Variants in FMN2 observed in about 807,000 individuals in gnomAD.
FMN2 encodes formin-2.
In FMN2, 51 loss-of-function variants were observed where a neutral mutation model predicts 142.3. The observed-to-expected ratio is 0.36, with a 90% CI of 0.29 to 0.45. The LOEUF (loss-of-function observed/expected upper bound fraction) is 0.45, where lower values mean the gene tolerates loss of function less well. Ranked by LOEUF, FMN2 falls within the 20% of genes least tolerant of loss-of-function variation. The pLI is 1.00. For synonymous variants in FMN2, 882 were observed against 869.8 expected, an observed-to-expected ratio of 1.01 and a Z score of -0.25; for missense variants, 1,936 against 2,122.8, an observed-to-expected ratio of 0.91 and a Z score of 1.73.
At chr1:240,294,553 T>A (rs139922774) in intron 7 of FMN2, among the ~76,000 whole-genome samples, 13 of 152,364 alleles carry the variant, frequency 8.5e-5, no homozygotes, top group Non-Finnish European at 1.3e-4. Flanking sequence ...AGTTCGGCTG[T>A]GAAAAACAGA....
At chr1:240,354,797 G>A (rs12740401) in intron 13 of FMN2, among the ~76,000 whole-genome samples, 1 of 152,140 alleles carries the variant, frequency 6.6e-6, no homozygotes, top group African/African-American at 2.4e-5. Context: ...TCTCCTGGGA[G>A]AAATGGCAAC....
At position 240,128,655 on chromosome 1, in the gene FMN2, T is replaced by G. The variant is rs556764542; in HGVS notation, c.1782+5310T>G. On this transcript the variant is annotated intron_variant, in intron 2 of 17. Coordinates refer to ENST00000319653, the MANE Select transcript of FMN2 (RefSeq NM_020066.5). ...AAATGGACATCGGTTTGGATGAATATGTGAGCGAAGCTAAAATTAAAGACA... is the reference window on the plus strand; with the variant it reads ...AAATGGACATCGGTTTGGATGAATAGGTGAGCGAAGCTAAAATTAAAGACA... Among the ~76,000 whole-genome samples, 4 of 152,258 alleles carry G rather than the reference T, an allele frequency of 2.6e-5. No homozygotes were observed. In the South Asian group the frequency reaches 8.3e-4, roughly 32 times the overall value.
At chr1:240,149,941 T>C (rs1353360069) in intron 2 of FMN2, among the ~76,000 whole-genome samples, 1 of 152,200 alleles carries the variant, frequency 6.6e-6, no homozygotes, top group African/African-American at 2.4e-5. Context: ...AAAACAAATA[T>C]GGTTATAGTT....
chr1:240,469,906 A>G (rs1327029671), intron 16 of FMN2, among the ~76,000 whole-genome samples: 2 of 152,192 alleles, frequency 1.3e-5, no homozygotes, highest in African/African-American at 2.4e-5. Context: ...TGAAAAATGA[A>G]TGGATGAGCT....
chr1:240,108,902 G>A lies in FMN2; in HGVS notation c.1616-14277G>A, dbSNP rs150047032. ...AATACAAAAATTAGCCTGGCGTGGT[G>A]GCGAGAGCCTGTAATCCCAGCTACT... On this transcript the variant is annotated intron_variant, in intron 1 of 17. Transcript: ENST00000319653. Among the ~76,000 whole-genome samples the A allele has an allele frequency of 9.2e-3, 1,394 of 152,240 alleles. 19 individuals are homozygous for A. The highest frequency in any genetic ancestry group is 0.03 in the African/African-American group (1,261 of 41,544).
At chr1:240,252,747 C>A (rs569591883) in intron 6 of FMN2, among the ~76,000 whole-genome samples, 17 of 151,754 alleles carry the variant, frequency 1.1e-4, no homozygotes, top group African/African-American at 4.1e-4. Context: ...GCAGAGAAAA[C>A]CTTTTTGAAT....
chr1:240,359,462 A>G (rs778920220), intron 14 of FMN2, among the ~76,000 whole-genome samples: 15 of 152,210 alleles, frequency 9.9e-5, no homozygotes, highest in Non-Finnish European at 1.8e-4. Context: ...TCTTTATTGC[A>G]TTAGCTCCCT....
chr1:240,391,719 A>T (rs1207016213), intron 14 of FMN2, among the ~76,000 whole-genome samples: 1 of 152,186 alleles, frequency 6.6e-6, no homozygotes, highest in African/African-American at 2.4e-5. Context: ...TGCATGAAAT[A>T]AGAGTATCTT....
chr1:240,372,284 G>C (rs1285012224), intron 14 of FMN2, among the ~76,000 whole-genome samples: 3 of 152,094 alleles, frequency 2.0e-5, no homozygotes, highest in Non-Finnish European at 4.4e-5. Flanking sequence ...ATGGCAAATG[G>C]TCTCATATCA....
chr1:240,433,798 C>T (rs1675261106), intron 15 of FMN2, among the ~76,000 whole-genome samples: 1 of 152,126 alleles, frequency 6.6e-6, no homozygotes, highest in Admixed American at 6.5e-5. Flanking sequence ...GATGATGTTA[C>T]CAGGTGGGTT....
chr1:240,333,399 C>T (rs1671445025), intron 11 of FMN2, among the ~76,000 whole-genome samples: 1 of 152,058 alleles, frequency 6.6e-6, no homozygotes, highest in Admixed American at 6.6e-5. Flanking sequence ...GTTAAAAGCT[C>T]CGCTTTACTT....
At chr1:240,202,318 G>A (rs141728693) in intron 4 of FMN2, among the ~76,000 whole-genome samples, 87 of 151,954 alleles carry the variant, frequency 5.7e-4, no homozygotes, top group African/African-American at 2.0e-3. Context: ...AAATTAGAAA[G>A]GTTAAAAAAA....
chr1:240,381,983 C>G (rs1572250924), intron 14 of FMN2, among the ~76,000 whole-genome samples: 1 of 152,022 alleles, frequency 6.6e-6, no homozygotes. Context: ...AGCAATCAAG[C>G]AAGAAAAAGA....
At chr1:240,252,933 G>T (rs1392072229) in intron 6 of FMN2, among the ~76,000 whole-genome samples, 1 of 108,484 alleles carries the variant, frequency 9.2e-6, no homozygotes, top group East Asian at 3.2e-4. Flanking sequence ...GGTGTCCCAT[G>T]TGTGATGTAG....
At chr1:240,206,659 T>C in intron 4 of FMN2, 140 bp from the exon 5 acceptor site, 2 of 1,050,154 alleles carry the variant, frequency 1.9e-6, no homozygotes, top group Non-Finnish European at 2.7e-6. Context: ...AGGGGACACA[T>C]AGAAATATTA....
chr1:240,264,593 C>T (rs942546611), intron 7 of FMN2, among the ~76,000 whole-genome samples: 4 of 152,078 alleles, frequency 2.6e-5, no homozygotes, highest in African/African-American at 7.2e-5. Flanking sequence ...CATATGTTCT[C>T]ATTGTTCAAC....
intron 2 of FMN2, among the ~76,000 whole-genome samples, chr1:240,160,287 A>G (rs1185272198): frequency 2.6e-5 from 4 of 151,412 alleles, no homozygotes; most frequent in Non-Finnish European, 4.4e-5. Context: ...AAATGTAAAT[A>G]TTTATTAATG....
At chr1:240,372,127 T>C (rs544330160) in intron 14 of FMN2, among the ~76,000 whole-genome samples, 1 of 152,186 alleles carries the variant, frequency 6.6e-6, no homozygotes, top group East Asian at 1.9e-4. Context: ...TCACAGCTAC[T>C]TGGGAGGCTG....
chr1:240,258,695 C>T (rs993975354), intron 7 of FMN2, among the ~76,000 whole-genome samples: 17 of 152,148 alleles, frequency 1.1e-4, no homozygotes, highest in African/African-American at 4.1e-4. Context: ...TACTTGGATT[C>T]TACTGTACAA....
Sources: gnomAD v4.1 joint callset for allele counts (sites outside exome capture counted in the v4.1 genomes callset) on GRCh38, gnomAD v4.1.1 for gene constraint, MANE v1.5 for transcripts, NCBI Gene and HGNC (gene_info 2026-07-23, HGNC 2026-07-21) for gene names.